Variants in PBX1 observed in about 807,000 individuals in gnomAD.
PBX1 encodes the protein PBX homeobox 1.
A neutral mutation model predicts 53.4 loss-of-function variants in PBX1; 6 were observed. The ratio of observed to expected loss-of-function variants is 0.11; its 90% CI spans 0.06 to 0.22. The LOEUF is 0.22. Ranked by LOEUF, PBX1 falls within the 10% of genes least tolerant of loss-of-function variation. The probability of loss-of-function intolerance (pLI) is 1.00; values close to 1 mark genes in which losing one functional copy is unlikely to be tolerated. For missense variants in PBX1, 251 were observed against 551.4 expected (o/e 0.46, Z 5.46); for synonymous variants, 204 against 212.3 (o/e 0.96, Z 0.34).
intron 2 of PBX1, chr1:164,702,944 G>A (rs1013958538): frequency 6.6e-6 from 1 of 152,030 alleles, no homozygotes; most frequent in Non-Finnish European, 1.5e-5. Flanking sequence ...TATGGTGCCA[G>A]CTCCACTGAT....
intron 2 of PBX1, among the ~76,000 whole-genome samples, chr1:164,637,956 C>T (rs1358194473): frequency 6.6e-6 from 1 of 152,314 alleles, no homozygotes; most frequent in Admixed American, 6.5e-5. Context: ...TCAAGTATCA[C>T]CAAAGGGATA....
intron 2 of PBX1, among the ~76,000 whole-genome samples, chr1:164,677,876 T>A (rs1661529951): frequency 1.3e-5 from 2 of 152,102 alleles, no homozygotes; most frequent in Admixed American, 1.3e-4. Context: ...ATGGCATTAG[T>A]AGGGTCAGAT....
intron 8 of PBX1, among the ~76,000 whole-genome samples, chr1:164,824,698 A>G (rs1352219236): frequency 6.6e-6 from 1 of 152,120 alleles, no homozygotes; most frequent in Non-Finnish European, 1.5e-5. Flanking sequence ...GAGTTAAATT[A>G]TACCTCCTTA....
At chr1:164,820,046 CA>C (rs1198979042) in intron 6 of PBX1, 25 bp from the exon 7 acceptor site, 1 of 1,417,492 alleles carries the variant, frequency 7.1e-7, no homozygotes, top group South Asian at 1.2e-5. Flanking sequence ...TTCTGTGATT[CA>C]GGTGCCTCAC....
chr1:164,811,071 C>T (rs1331121428), intron 5 of PBX1, among the ~76,000 whole-genome samples: 5 of 152,218 alleles, frequency 3.3e-5, no homozygotes, highest in African/African-American at 9.6e-5. Context: ...CCCCTTCCCT[C>T]ACCAGATTCA....
chr1:164,811,459 A>G (rs1488693571), intron 5 of PBX1, among the ~76,000 whole-genome samples: 1 of 152,240 alleles, frequency 6.6e-6, no homozygotes, highest in Non-Finnish European at 1.5e-5. Context: ...AGATTGAATT[A>G]TATTGATCCT....
intron 2 of PBX1, among the ~76,000 whole-genome samples, chr1:164,721,515 T>C (rs745455909): frequency 2.0e-5 from 3 of 152,022 alleles, no homozygotes; most frequent in Non-Finnish European, 4.4e-5. Flanking sequence ...GCGAAAACAA[T>C]TGAATTCTTT....
intron 2 of PBX1, among the ~76,000 whole-genome samples, chr1:164,753,453 A>G (rs927588983): frequency 1.4e-4 from 21 of 152,008 alleles, no homozygotes; most frequent in African/African-American, 3.9e-4. Context: ...GTTGTTTCTC[A>G]TTATTTTGTG....
At chr1:164,598,411 G>C (rs940043628) in intron 2 of PBX1, among the ~76,000 whole-genome samples, 13 of 152,288 alleles carry the variant, frequency 8.5e-5, no homozygotes, top group African/African-American at 3.1e-4. Context: ...ACTGTGGAGG[G>C]TTAAGTCATT....
intron 2 of PBX1, among the ~76,000 whole-genome samples, chr1:164,692,149 T>A (rs1203744711): frequency 6.6e-6 from 1 of 152,180 alleles, no homozygotes; most frequent in Non-Finnish European, 1.5e-5. Context: ...GTGTACCACA[T>A]TATATGCTGT....
intron 2 of PBX1, among the ~76,000 whole-genome samples, chr1:164,739,560 G>A (rs367576005): frequency 1.4e-4 from 21 of 152,262 alleles, no homozygotes; most frequent in African/African-American, 5.1e-4. Context: ...CAAAAGAAAT[G>A]AGCATTTTTC....
chr1:164,604,653 T>C (rs1656431560), intron 2 of PBX1, among the ~76,000 whole-genome samples: 1 of 152,176 alleles, frequency 6.6e-6, no homozygotes, highest in Non-Finnish European at 1.5e-5. Context: ...AAATAACTTA[T>C]CAAAATAGTC....
chr1:164,637,047 T>C (rs1274594135), intron 2 of PBX1, among the ~76,000 whole-genome samples: 1 of 152,194 alleles, frequency 6.6e-6, no homozygotes, highest in Non-Finnish European at 1.5e-5. Flanking sequence ...CTCAGTATCT[T>C]CAGCTTGGGA....
At chr1:164,580,113 G>T (rs1230781003) in intron 2 of PBX1, among the ~76,000 whole-genome samples, 1 of 152,146 alleles carries the variant, frequency 6.6e-6, no homozygotes. Context: ...ATAACAAATT[G>T]TCTGGCTCTA....
At chr1:164,644,081 C>G (rs771093801) in intron 2 of PBX1, among the ~76,000 whole-genome samples, 1 of 152,130 alleles carries the variant, frequency 6.6e-6, no homozygotes, top group Admixed American at 6.5e-5. Flanking sequence ...TCCTAAATGT[C>G]GATGATGTCC....
chr1:164,874,666 G>A (rs983513728), intron 2 of PBX1, among the ~76,000 whole-genome samples: 7 of 152,028 alleles, frequency 4.6e-5, no homozygotes, highest in African/African-American at 1.7e-4. Context: ...GCTAATTTTT[G>A]TATTTTTGGT....
chr1:164,644,256 C>A (rs1239677242), intron 2 of PBX1, among the ~76,000 whole-genome samples: 1 of 152,174 alleles, frequency 6.6e-6, no homozygotes, highest in African/African-American at 2.4e-5. Flanking sequence ...AGTTAAATTT[C>A]TGTTTCTTTG....
intron 2 of PBX1, among the ~76,000 whole-genome samples, chr1:164,601,921 A>G (rs1571041457): frequency 6.6e-6 from 1 of 152,328 alleles, no homozygotes; most frequent in Admixed American, 6.5e-5. Context: ...GGCTGAGAGC[A>G]GAGACCAGCT....
intron 8 of PBX1, among the ~76,000 whole-genome samples, chr1:164,826,887 A>T (rs1409404731): frequency 6.6e-6 from 1 of 152,248 alleles, no homozygotes; most frequent in Non-Finnish European, 1.5e-5. Flanking sequence ...ACACAAAAAA[A>T]ACTCATTAAT....
Sources: gnomAD v4.1 joint callset for allele counts (sites outside exome capture counted in the v4.1 genomes callset) on GRCh38, gnomAD v4.1.1 for gene constraint, MANE v1.5 for transcripts, NCBI Gene and HGNC (gene_info 2026-07-23, HGNC 2026-07-21) for gene names.